MICA: variants seen among roughly 807,000 people sequenced by gnomAD.
MICA encodes the protein MHC class I polypeptide-related sequence A.
A neutral mutation model predicts 34.3 loss-of-function variants in MICA; 18 were observed. That is an observed-to-expected ratio of 0.52 (90% CI 0.36 to 0.78). The LOEUF is 0.78. Ranked by LOEUF, MICA falls within the 30% of genes least tolerant of loss-of-function variation. The probability of loss-of-function intolerance (pLI) is 0.00; values close to 1 mark genes in which losing one functional copy is unlikely to be tolerated. For missense variants in MICA, 333 were observed against 409.4 expected, an observed-to-expected ratio of 0.81 and a Z score of 1.61; for synonymous variants, 135 against 156.9, an observed-to-expected ratio of 0.86 and a Z score of 1.04.
Position 31,411,812 on chromosome 6 carries a change from A to T in MICA, c.614-135A>T. ...CCAGCCTGGAAGAACTGGGCCCCAG[A>T]GTGAGGACAGACTTGCAGGTCAGGG... On this transcript the variant is annotated intron_variant, in intron 3 of 5. Coordinates refer to ENST00000449934, the MANE Select transcript of MICA (RefSeq NM_001177519.3). This position sits in a 1 kb window ranked among gnomAD's most constrained non-coding sequence, Gnocchi z 4.3. 1 of 1,355,058 alleles carries T rather than the reference A, an allele frequency of 7.4e-7. No individual in the cohort carries two copies. The highest frequency in any genetic ancestry group is 9.8e-7 in the Non-Finnish European group (1 of 1,018,978). 83.9% of individuals were successfully genotyped at this position (1,355,058 alleles called of 1,614,324 possible).
Position 31,412,213 on chromosome 6 carries a change from C to G in MICA, c.880C>G (p.Pro294Ala), listed in dbSNP as rs41553616. The change falls in exon 4 of 6, where the codon CCT becomes GCT. Residue 294 changes from proline to alanine, a missense_variant. Pro to Ala is a conservative substitution (Grantham distance 27). Transcript: ENST00000449934. ...ACACAGCGGGAATCACAGCACTCACCCTGTGCCCTCTGGTGAGCCTAGGGT... is the reference window on the plus strand; with the variant it reads ...ACACAGCGGGAATCACAGCACTCACGCTGTGCCCTCTGGTGAGCCTAGGGT... ...MEHSGNHSTH[P>A]VPSGKVLVLQ... 0.025 allele frequency: 41,025 copies of G among 1,609,376 alleles called. 952 individuals are homozygous for G. Among genetic ancestry groups the G allele is most frequent in the Admixed American group, 0.044 (2,612 of 59,238 alleles).
upstream of MICA, among the ~76,000 whole-genome samples, chr6:31,400,937 A>C (rs1416500257): frequency 6.6e-6 from 1 of 151,774 alleles, no homozygotes; most frequent in Non-Finnish European, 1.5e-5. Context: ...CCTGGAGCTC[A>C]AGACCATCTC....
Position 31,411,129 on chromosome 6 carries a change from G to C in MICA, c.383G>C (p.Arg128Thr). 3 of 1,611,224 alleles carry C rather than the reference G, an allele frequency of 1.9e-6. No homozygotes were observed. Among genetic ancestry groups the C allele is most frequent in the Non-Finnish European group, 2.5e-6 (3 of 1,179,242 alleles). Residue 128 changes from arginine to threonine, a missense_variant, in exon 3 of 6, where the codon AGG (arginine) becomes ACG (threonine). Transcript: ENST00000449934. This position sits in a 1 kb window ranked among gnomAD's most constrained non-coding sequence, Gnocchi z 4.3. ...GAGATCCATGAAGACAACAGCACCA[G>C]GAGCTCCCAGCATTTCTACTACGAT... is the stretch of plus-strand genomic sequence containing the variant. ...VCEIHEDNST[R>T]SSQHFYYDGE...
In MICA at chr6:31,415,120, G is replaced by T. The variant is rs1279496925; in HGVS notation, c.*138G>T. 8.7e-7 allele frequency: 1 copy of T among 1,145,698 alleles called. No individual in the cohort carries two copies. Among genetic ancestry groups the T allele is most frequent in the Non-Finnish European group, 1.3e-6 (1 of 768,942 alleles). 71.0% of individuals were successfully genotyped at this position (1,145,698 alleles called of 1,614,324 possible). Reference sequence around the variant, plus strand: ...CTGATGTCAGCTCTTGGGTCCACTGGCTCCACTGAGGGCACCTAGACTCTA... The same window carrying T: ...CTGATGTCAGCTCTTGGGTCCACTGTCTCCACTGAGGGCACCTAGACTCTA... On this transcript the variant is annotated 3_prime_UTR_variant, in exon 6 of 6. Coordinates refer to ENST00000449934, the MANE Select transcript of MICA (RefSeq NM_001177519.3).
Position 31,411,871 on chromosome 6 carries a change from G to T in MICA, c.614-76G>T. On this transcript the variant is annotated intron_variant, in intron 3 of 5. Coordinates refer to ENST00000449934, the MANE Select transcript of MICA (RefSeq NM_001177519.3). The surrounding 1 kb of genome is among the most constrained non-coding windows in gnomAD (Gnocchi z 4.3). ...GGGCTTCAGCCAGAGTGAGAACAGT[G>T]AAGAGAAACAGCCCTGTTCCTCTCC... 6.5e-7 allele frequency: 1 copy of T among 1,538,474 alleles called. No individual in the cohort carries two copies. Among genetic ancestry groups the T allele is most frequent in the Non-Finnish European group, 8.7e-7 (1 of 1,143,924 alleles).
rs763449096 is a variant in MICA at position 31,410,604 on chromosome 6, G to T, written c.132G>T (p.Gly44=). 2.5e-6 allele frequency: 4 copies of T among 1,613,378 alleles called. No individual in the cohort carries two copies. In the Admixed American group the frequency reaches 5.0e-5, roughly 20 times the overall value. ...CCTGGGATGGATCTGTGCAGTCAGG[G>T]TTTCTTGCTGAGGTACATCTGGATG... ...VLSWDGSVQS[G]FLAEVHLDGQ... is the part of the protein sequence containing the mutation. Residue 44 remains glycine (G), a synonymous_variant, in exon 2 of 6, where the codon GGG becomes GGT. Coordinates refer to ENST00000449934, the MANE Select transcript of MICA (RefSeq NM_001177519.3).
Position 31,403,773 on chromosome 6 carries a change from C to A in MICA, c.70+71C>A. 7.0e-7 allele frequency: 1 copy of A among 1,429,538 alleles called. No homozygotes were observed. Among genetic ancestry groups the A allele is most frequent in the Non-Finnish European group, 9.4e-7 (1 of 1,065,856 alleles). The allele number at this position is 1,429,538 out of a possible 1,614,324, so 88.6% of individuals were successfully genotyped here. A position where few individuals can be genotyped will look rare whatever the true frequency, so the allele number is the denominator to read the frequency against. On this transcript the variant is annotated intron_variant, in intron 1 of 5. Coordinates refer to ENST00000449934, the MANE Select transcript of MICA (RefSeq NM_001177519.3). The surrounding 1 kb of genome is among the most constrained non-coding windows in gnomAD (Gnocchi z 4.7). ...ACGTTTCCGGGGGTCGGGTGGGTAG[C>A]GGCGAGCGCTGTGCGGTCAGGGCGG...
chr6:31,404,092 C>T (rs377595076), intron 1 of MICA, among the ~76,000 whole-genome samples: 54 of 151,822 alleles, frequency 3.6e-4, no homozygotes, highest in East Asian at 3.5e-3. Context: ...CCCCGGTGCT[C>T]GGGGCGGCTC....
chr6:31,403,796 C>G lies in MICA; in HGVS notation c.70+94C>G. ...AGCGGCGAGCGCTGTGCGGTCAGGGCGGGGCTCCTGTGCCCTGTCGGTGGC... is the reference window on the plus strand; with the variant it reads ...AGCGGCGAGCGCTGTGCGGTCAGGGGGGGGCTCCTGTGCCCTGTCGGTGGC... On this transcript the variant is annotated intron_variant, in intron 1 of 5. Transcript: ENST00000449934. This position sits in a 1 kb window ranked among gnomAD's most constrained non-coding sequence, Gnocchi z 4.7. The G allele has an allele frequency of 8.2e-7, 1 of 1,221,872 alleles. No individual in the cohort carries two copies. Among genetic ancestry groups the G allele is most frequent in the Admixed American group, 2.7e-5 (1 of 37,206 alleles). The allele number at this position is 1,221,872 out of a possible 1,614,324, so 75.7% of individuals were successfully genotyped here.
chr6:31,410,747 A>G lies in MICA; in HGVS notation c.275A>G (p.Asn92Ser), dbSNP rs1771079833. Reference protein sequence around the residue: ...WDRETRDLTGNGKDLRMTLAH... With the variant: ...WDRETRDLTGSGKDLRMTLAH... ...AGAGAGACCAGGGACTTGACAGGGA[A>G]CGGAAAGGACCTCAGGATGACCCTG... Residue 92 changes from asparagine (N) to serine (S), a missense_variant, in exon 2 of 6, where the codon AAC becomes AGC. Physicochemically the swap from Asn to Ser is conservative, Grantham distance 46. Coordinates refer to ENST00000449934, the MANE Select transcript of MICA (RefSeq NM_001177519.3). 6.3e-7 allele frequency: 1 copy of G among 1,595,052 alleles called. No individual in the cohort carries two copies. The highest frequency in any genetic ancestry group is 8.5e-7 in the Non-Finnish European group (1 of 1,170,986).
chr6:31,411,459 A>C lies in MICA; in HGVS notation c.613+100A>C. On this transcript the variant is annotated intron_variant, in intron 3 of 5. Transcript: ENST00000449934. The surrounding 1 kb of genome is among the most constrained non-coding windows in gnomAD (Gnocchi z 4.3). The stretch of plus-strand genomic sequence containing the variant: ...GGAAACCCTCCCTGTGCTATGGATG[A>C]AGGCATTTCCTGTTGGCACATCGTG... 2 of 1,197,120 alleles carry C rather than the reference A, an allele frequency of 1.7e-6. No individual in the cohort carries two copies. The highest frequency in any genetic ancestry group is 2.3e-6 in the Non-Finnish European group (2 of 874,056). 74.2% of individuals were successfully genotyped at this position (1,197,120 alleles called of 1,614,324 possible).
At chr6:31,407,748 T>G (rs1363050968) in intron 1 of MICA, among the ~76,000 whole-genome samples, 1 of 151,984 alleles carries the variant, frequency 6.6e-6, no homozygotes, top group Non-Finnish European at 1.5e-5. Flanking sequence ...GGTTTTTTGG[T>G]GGAGTCTTTA....
intron 1 of MICA, among the ~76,000 whole-genome samples, chr6:31,404,570 C>T (rs1033323384): frequency 6.6e-6 from 1 of 151,842 alleles, no homozygotes; most frequent in African/African-American, 2.4e-5. Flanking sequence ...CCCTTATGGG[C>T]CTTTCCTACA....
Position 31,415,106 on chromosome 6 carries a change from T to G in MICA, c.*124T>G. 8.3e-7 allele frequency: 1 copy of G among 1,211,288 alleles called. No homozygotes were observed. The allele number at this position is 1,211,288 out of a possible 1,614,324, so 75.0% of individuals were successfully genotyped here. On this transcript the variant is annotated 3_prime_UTR_variant, in exon 6 of 6. Transcript: ENST00000449934. The stretch of plus-strand genomic sequence containing the variant: ...TCGGATTTCAGCCTCTGATGTCAGC[T>G]CTTGGGTCCACTGGCTCCACTGAGG...
chr6:31,403,642 G>A lies in MICA; in HGVS notation c.10G>A (p.Gly4Ser). ...TGGCGACGTCGGGGCCATGGGGCTG[G>A]GCCCGGTCTTTCTGCTTCTGGCTGG... MGL[G>S]PVFLLLAGIF... Residue 4 changes from glycine to serine, a missense_variant, in exon 1 of 6, where the codon GGC becomes AGC. Physicochemically the swap from Gly to Ser is moderately conservative, Grantham distance 56. Transcript: ENST00000449934. The surrounding 1 kb of genome is among the most constrained non-coding windows in gnomAD (Gnocchi z 4.7). 6.5e-7 allele frequency: 1 copy of A among 1,528,250 alleles called. No individual in the cohort carries two copies. Among genetic ancestry groups the A allele is most frequent in the Non-Finnish European group, 8.8e-7 (1 of 1,138,420 alleles). The allele number at this position is 1,528,250 out of a possible 1,614,324, so 94.7% of individuals were successfully genotyped here. A position where few individuals can be genotyped will look rare whatever the true frequency, so the allele number is the denominator to read the frequency against.
In MICA at chr6:31,411,451, T is replaced by A. The variant is rs1403649030; in HGVS notation, c.613+92T>A. ...GTGTCCAGGGAAACCCTCCCTGTGC[T>A]ATGGATGAAGGCATTTCCTGTTGGC... On this transcript the variant is annotated intron_variant, in intron 3 of 5. Coordinates refer to ENST00000449934, the MANE Select transcript of MICA (RefSeq NM_001177519.3). The surrounding 1 kb of genome is among the most constrained non-coding windows in gnomAD (Gnocchi z 4.3). 2.4e-6 allele frequency: 3 copies of A among 1,270,640 alleles called. 1 individual carries two copies. In the African/African-American group the frequency reaches 4.6e-5, roughly 19 times the overall value. 78.7% of individuals were successfully genotyped at this position (1,270,640 alleles called of 1,614,324 possible). A position where few individuals can be genotyped will look rare whatever the true frequency, so the allele number is the denominator to read the frequency against.
In MICA at chr6:31,410,588, G is replaced by A. The variant is rs1490743988; in HGVS notation, c.116G>A (p.Gly39Glu). ...RYNLTVLSWD[G>E]SVQSGFLAEV... ...AACCTCACGGTGCTGTCCTGGGATG[G>A]ATCTGTGCAGTCAGGGTTTCTTGCT... The change falls in exon 2 of 6, where the codon GGA (glycine) becomes GAA (glutamate). Residue 39 changes from glycine to glutamate, a missense_variant. Gly to Glu is a moderately conservative substitution (Grantham distance 98). Coordinates refer to ENST00000449934, the MANE Select transcript of MICA (RefSeq NM_001177519.3). The A allele has an allele frequency of 6.2e-7, 1 of 1,613,300 alleles. No homozygotes were observed. The highest frequency in any genetic ancestry group is 2.2e-5 in the East Asian group (1 of 44,838).
At chr6:31,414,289 G>T (rs1302719824) in intron 5 of MICA, among the ~76,000 whole-genome samples, 1 of 152,036 alleles carries the variant, frequency 6.6e-6, no homozygotes, top group African/African-American at 2.4e-5. Flanking sequence ...GGAAGGCCTC[G>T]CAGCCTCACC....
chr6:31,409,477 A>G (rs938452118), intron 1 of MICA, among the ~76,000 whole-genome samples: 3 of 118,754 alleles, frequency 2.5e-5, no homozygotes, highest in Non-Finnish European at 5.9e-5. Context: ...AGAATTGGCC[A>G]TTTAAGTCTT....
Sources: gnomAD v4.1 joint callset for allele counts (sites outside exome capture counted in the v4.1 genomes callset) on GRCh38, gnomAD v4.1.1 for gene constraint, Gnocchi (gnomAD v3.1) non-coding constraint, MANE v1.5 for transcripts, NCBI Gene and HGNC (gene_info 2026-07-23, HGNC 2026-07-21) for gene names.